The following RAB3IP variants were observed in gnomAD, a reference collection of about 807,000 sequenced individuals.
RAB3IP encodes RAB3A interacting protein, also known as rab-3A-interacting protein.
RAB3IP carries 36 observed loss-of-function variants against 59.1 expected under a neutral mutation model. The observed-to-expected ratio is 0.61, with a 90% CI of 0.47 to 0.80. RAB3IP has a LOEUF of 0.80. Ranked by LOEUF, RAB3IP falls within the 30% of genes least tolerant of loss-of-function variation. The pLI is 0.00. For synonymous variants in RAB3IP, 207 were observed against 191.2 expected (o/e 1.08, Z -0.68); for missense variants, 511 against 536.0 (o/e 0.95, Z 0.46).
At chr12:69,775,397 C>G (rs1394676606) in intron 3 of RAB3IP, among the ~76,000 whole-genome samples, 1 of 140,110 alleles carries the variant, frequency 7.1e-6, no homozygotes, top group African/African-American at 2.7e-5. Context: ...AATTGAATAC[C>G]CTTTATTTCC....
intron 1 of RAB3IP, among the ~76,000 whole-genome samples, chr12:69,740,644 A>T (rs1887236880): frequency 6.6e-6 from 1 of 152,204 alleles, no homozygotes; most frequent in Admixed American, 6.5e-5. Context: ...GGATTTCTGA[A>T]TAGATCCTAT....
intron 3 of RAB3IP, among the ~76,000 whole-genome samples, chr12:69,760,272 C>G (rs147179688): frequency 0.013 from 2,036 of 152,350 alleles, 45 homozygotes; most frequent in African/African-American, 0.046. Context: ...AGCAGGCACT[C>G]GGCAGGCTGA....
chr12:69,742,800 CT>C (rs1887479676), intron 1 of RAB3IP, among the ~76,000 whole-genome samples: 1 of 152,162 alleles, frequency 6.6e-6, no homozygotes, highest in Non-Finnish European at 1.5e-5. Flanking sequence ...TCCTTTTCAA[CT>C]TACCACTAAA....
chr12:69,781,324 A>C (rs1478140940), intron 3 of RAB3IP, among the ~76,000 whole-genome samples: 2 of 152,084 alleles, frequency 1.3e-5, no homozygotes, highest in East Asian at 1.9e-4. Context: ...CCCCGTTAGC[A>C]TTCCCTACCA....
chr12:69,787,609 G>A (rs553549992), intron 4 of RAB3IP, among the ~76,000 whole-genome samples: 2 of 152,176 alleles, frequency 1.3e-5, no homozygotes, highest in East Asian at 1.9e-4. Flanking sequence ...AGTCATCACC[G>A]GGGCCTCTTA....
At chr12:69,793,628 T>A (rs1876987681) in intron 4 of RAB3IP, among the ~76,000 whole-genome samples, 1 of 152,188 alleles carries the variant, frequency 6.6e-6, no homozygotes, top group African/African-American at 2.4e-5. Context: ...AAAATGATCA[T>A]GTCTTCCTTA....
intron 4 of RAB3IP, among the ~76,000 whole-genome samples, chr12:69,791,747 A>T (rs894019209): frequency 6.6e-6 from 1 of 152,238 alleles, no homozygotes; most frequent in African/African-American, 2.4e-5. Flanking sequence ...TATGGAAAAC[A>T]GTATGGAAGT....
chr12:69,810,214 A>G (rs560835765), intron 8 of RAB3IP, among the ~76,000 whole-genome samples: 3 of 152,320 alleles, frequency 2.0e-5, no homozygotes, highest in South Asian at 4.1e-4. Context: ...AGAACAGCAG[A>G]TAGTGCTGAA....
Position 69,812,774 on chromosome 12 carries a change from A to G in RAB3IP, c.1131-4A>G, listed in dbSNP as rs1358608438. On this transcript the variant is annotated splice_region_variant and splice_polypyrimidine_tract_variant and intron_variant, in intron 8 of 10. Transcript: ENST00000247833. ...AAAAACTGAAATTTATCATTATTTC[A>G]CAGAAAATGTGCTCTCACTGGCCAG... 23 of 1,586,204 alleles carry G rather than the reference A, an allele frequency of 1.5e-5. No individual in the cohort carries two copies. The highest frequency in any genetic ancestry group is 3.4e-4 in the Middle Eastern group (2 of 5,906).
In RAB3IP at chr12:69,822,082, C is replaced by T. The variant is rs1467779938; in HGVS notation, c.*6636C>T. 2.6e-5 allele frequency: 4 copies of T among 152,142 alleles called. No homozygotes were observed. The highest frequency in any genetic ancestry group is 7.2e-5 in the African/African-American group (3 of 41,426). 9.4% of individuals were successfully genotyped at this position (152,142 alleles called of 1,614,324 possible). On this transcript the variant is annotated 3_prime_UTR_variant, in exon 11 of 11. Transcript: ENST00000247833. ...GGCAGTGGATTATAGTGTGATGACTCATTTCCGGTGGTCTCCAGGAGACTT... is the reference window on the plus strand; with the variant it reads ...GGCAGTGGATTATAGTGTGATGACTTATTTCCGGTGGTCTCCAGGAGACTT...
At chr12:69,809,445 C>T (rs1019181670) in intron 8 of RAB3IP, among the ~76,000 whole-genome samples, 2 of 152,168 alleles carry the variant, frequency 1.3e-5, no homozygotes, top group Non-Finnish European at 2.9e-5. Context: ...GAATGTTGGC[C>T]TGCCTTGCTA....
At chr12:69,744,943 A>T (rs887930057) in intron 1 of RAB3IP, among the ~76,000 whole-genome samples, 3 of 152,228 alleles carry the variant, frequency 2.0e-5, no homozygotes, top group Non-Finnish European at 2.9e-5. Context: ...AAATGATTTT[A>T]TATATATACT....
intron 3 of RAB3IP, among the ~76,000 whole-genome samples, chr12:69,763,985 A>G (rs111499315): frequency 6.6e-6 from 1 of 152,212 alleles, no homozygotes; most frequent in African/African-American, 2.4e-5. Flanking sequence ...TATATGCACT[A>G]CATTTTCTTT....
intron 3 of RAB3IP, among the ~76,000 whole-genome samples, chr12:69,759,821 C>T (rs1419833791): frequency 6.7e-5 from 10 of 150,314 alleles, no homozygotes; most frequent in African/African-American, 9.9e-5. Flanking sequence ...CCGGACGGGG[C>T]GGCTGCCGGG....
intron 1 of RAB3IP, chr12:69,739,760 C>G: frequency 6.6e-7 from 1 of 1,510,346 alleles, no homozygotes; most frequent in Non-Finnish European, 9.2e-7. Flanking sequence ...ACAACTCGCC[C>G]CGACCGCCCA....
At chr12:69,745,912 A>G (rs1868321726) in intron 1 of RAB3IP, among the ~76,000 whole-genome samples, 1 of 152,226 alleles carries the variant, frequency 6.6e-6, no homozygotes, top group Non-Finnish European at 1.5e-5. Context: ...TAGCTCTGTT[A>G]CTTTTTGTGT....
chr12:69,759,842 C>T (rs1297519100), intron 3 of RAB3IP, among the ~76,000 whole-genome samples: 1 of 152,000 alleles, frequency 6.6e-6, no homozygotes, highest in Admixed American at 6.5e-5. Context: ...CGGAGGGGCT[C>T]CTCACTTCTC....
intron 3 of RAB3IP, among the ~76,000 whole-genome samples, chr12:69,780,809 T>G (rs1874568687): frequency 7.0e-6 from 1 of 142,432 alleles, no homozygotes; most frequent in African/African-American, 2.7e-5. Context: ...CTCCTAAATC[T>G]TTTTTTTTTT....
At chr12:69,791,490 T>C (rs1876606380) in intron 4 of RAB3IP, among the ~76,000 whole-genome samples, 1 of 151,946 alleles carries the variant, frequency 6.6e-6, no homozygotes, top group Admixed American at 6.6e-5. Context: ...AACAACCCAA[T>C]TGAAAGATGG....
Sources: allele counts gnomAD v4.1 joint callset (sites outside exome capture counted in the v4.1 genomes callset), GRCh38; gene constraint gnomAD v4.1.1; transcripts MANE v1.5; gene names NCBI Gene and HGNC (gene_info 2026-07-23, HGNC 2026-07-21).